Variants in EPS15L1 observed in about 807,000 individuals in gnomAD.
The protein encoded by EPS15L1 is epidermal growth factor receptor substrate 15-like 1.
EPS15L1 carries 43 observed loss-of-function variants against 117.1 expected under a neutral mutation model. That is an observed-to-expected ratio of 0.37 (90% confidence interval 0.29 to 0.47). The LOEUF is 0.47. EPS15L1 is among the 20% of genes least tolerant of loss of function. The probability of loss-of-function intolerance (pLI) is 0.99; values close to 1 mark genes in which losing one functional copy is unlikely to be tolerated. For missense variants in EPS15L1, 981 were observed against 1,164.0 expected (o/e 0.84, Z 2.29); for synonymous variants, 459 against 470.5 (o/e 0.98, Z 0.32).
chr19:16,381,128 C>T lies in EPS15L1; in HGVS notation c.2248-3874G>A, dbSNP rs571267901. Among the ~76,000 whole-genome samples, 12 of 152,376 alleles carry T rather than the reference C, an allele frequency of 7.9e-5. No homozygotes were observed. Among genetic ancestry groups the T allele is most frequent in the Admixed American group, 2.0e-4 (3 of 15,310 alleles). ...CAGATCCCTTCCCTGGGCTTCACGC[C>T]GCCCTCTGAAGCTGCCCAGGCAGGA... On this transcript the variant is annotated intron_variant, in intron 21 of 23. Transcript: ENST00000455140. This position sits in a 1 kb window ranked among gnomAD's most constrained non-coding sequence, Gnocchi z 4.2.
rs779066558 is a variant in EPS15L1, at chr19:16,425,297, C to A, written c.578G>T (p.Arg193Leu). Residue 193 changes from arginine (R) to leucine (L), a missense_variant, in exon 9 of 24, where the codon CGA (arginine) becomes CTA (leucine). Arg to Leu is a moderately radical substitution (Grantham distance 102). Transcript: ENST00000455140. ...EFAVAMHLVYRALEKEPVPSA... is the reference protein window; with the variant it reads ...EFAVAMHLVYLALEKEPVPSA... ...GGGCACGGGCTCCTTCTCCAGGGCT[C>A]GGTACACCAAGTGCATGGCCTGCAG... The A allele has an allele frequency of 6.2e-7, 1 of 1,600,184 alleles. No individual in the cohort carries two copies. The highest frequency in any genetic ancestry group is 8.5e-7 in the Non-Finnish European group (1 of 1,172,912).
At chr19:16,470,982 A>G (rs970481706) in intron 1 of EPS15L1, among the ~76,000 whole-genome samples, 32 of 152,216 alleles carry the variant, frequency 2.1e-4, no homozygotes, top group African/African-American at 7.5e-4. Flanking sequence ...AACCAAAGGC[A>G]CAGAGAAATC....
At position 16,401,148 on chromosome 19, in the gene EPS15L1, T is replaced by C. The variant is rs147767567; in HGVS notation, c.1791+1173A>G. On this transcript the variant is annotated intron_variant, in intron 16 of 23. Transcript: ENST00000455140. ...CCCGGGGGCGGCTATGGAAACCACC[T>C]CATTACGAGTCCACGAGAAAAGAGA... 2.0e-4 allele frequency: 193 copies of C among 985,216 alleles called. No homozygotes were observed. In the African/African-American group the frequency reaches 2.8e-3, roughly 14 times the overall value. 61.0% of individuals were successfully genotyped at this position (985,216 alleles called of 1,614,324 possible). A position where few individuals can be genotyped will look rare whatever the true frequency, so the allele number is the denominator to read the frequency against.
At chr19:16,392,565 A>C (rs758728046) in intron 18 of EPS15L1, 125 bp from the exon 19 acceptor site, 7 of 941,272 alleles carry the variant, frequency 7.4e-6, no homozygotes, top group East Asian at 2.6e-5. Flanking sequence ...CTAGTGACGG[A>C]AAACAGGATA....
chr19:16,464,634 C>T (rs368075194), intron 1 of EPS15L1, among the ~76,000 whole-genome samples: 1 of 152,188 alleles, frequency 6.6e-6, no homozygotes, highest in Non-Finnish European at 1.5e-5. Context: ...TCTTTGCCTC[C>T]GTGTGAAAGG....
At position 16,386,242 on chromosome 19, in the gene EPS15L1, G is replaced by T; in HGVS notation, c.2104-11C>A. On this transcript the variant is annotated splice_polypyrimidine_tract_variant and intron_variant, in intron 19 of 23. Coordinates refer to ENST00000455140, the MANE Select transcript of EPS15L1 (RefSeq NM_001258374.3). ...TTCAAAGGGGTCGAGCTAAATGAAA[G>T]GAGAGAGGAAAGAGTAAAAAGCAGT... 2 of 1,608,452 alleles carry T rather than the reference G, an allele frequency of 1.2e-6. No homozygotes were observed. Among genetic ancestry groups the T allele is most frequent in the Admixed American group, 1.7e-5 (1 of 59,970 alleles).
At chr19:16,437,949 GA>G in intron 4 of EPS15L1, 84 bp from the exon 5 acceptor site, 1 of 1,029,062 alleles carries the variant, frequency 9.7e-7, no homozygotes, top group East Asian at 2.5e-5. Flanking sequence ...AGGCTTCAGG[GA>G]AAGAGGATGT....
intron 21 of EPS15L1, among the ~76,000 whole-genome samples, chr19:16,378,228 T>C (rs1290395578): frequency 6.6e-6 from 1 of 151,908 alleles, no homozygotes; most frequent in Non-Finnish European, 1.5e-5. Flanking sequence ...GCACTTCCTA[T>C]AGGGAAGCTC....
At chr19:16,359,175 C>T (rs1192447923) in intron 23 of EPS15L1, among the ~76,000 whole-genome samples, 2 of 152,158 alleles carry the variant, frequency 1.3e-5, no homozygotes, top group Non-Finnish European at 2.9e-5. Context: ...AGTCTCAGAA[C>T]GTCCACGCTG....
chr19:16,359,900 A>AC lies in EPS15L1; in HGVS notation c.2586+1878_2586+1879insG, dbSNP rs1433182549. On this transcript the variant is annotated intron_variant, in intron 23 of 23. Coordinates refer to ENST00000455140, the MANE Select transcript of EPS15L1 (RefSeq NM_001258374.3). ...ACCAAAAACTTAGGGAAAAAAAAAA[A>AC]AAAAACAGAAAACAACAGGGCTGCA... Among the ~76,000 whole-genome samples the AC allele has an allele frequency of 9.1e-3, 1,362 of 150,440 alleles. 9 individuals carry two copies. Among genetic ancestry groups the AC allele is most frequent in the African/African-American group, 0.013 (536 of 40,978 alleles).
At chr19:16,412,407 G>A (rs1456730628) in intron 13 of EPS15L1, among the ~76,000 whole-genome samples, 2 of 152,050 alleles carry the variant, frequency 1.3e-5, no homozygotes, top group Non-Finnish European at 2.9e-5. Context: ...GGCTGAGACA[G>A]GGGAATCGCT....
chr19:16,401,582 A>T (rs770106913), intron 16 of EPS15L1: 156 of 985,420 alleles, frequency 1.6e-4, no homozygotes, highest in Non-Finnish European at 1.8e-4. Context: ...GGGAAACTAC[A>T]TGTCCCCAGG....
At chr19:16,401,378 C>T (rs930646664) in intron 16 of EPS15L1, 16 of 985,296 alleles carry the variant, frequency 1.6e-5, no homozygotes, top group South Asian at 4.7e-5. Flanking sequence ...AGAGCACGAG[C>T]GCTCACTCTT....
rs796114219 is a variant in EPS15L1 at position 16,371,750 on chromosome 19, G to A, written c.2380+5372C>T. On this transcript the variant is annotated intron_variant, in intron 22 of 23. Transcript: ENST00000455140. This position sits in a 1 kb window ranked among gnomAD's most constrained non-coding sequence, Gnocchi z 4.7. ...CCCAATCACTGACACCCACACAGCC[G>A]TTTCCTGCACTTAAAAAAAAAATCT... Among the ~76,000 whole-genome samples, 18 of 148,454 alleles carry A rather than the reference G, an allele frequency of 1.2e-4. No individual in the cohort carries two copies. Among genetic ancestry groups the A allele is most frequent in the African/African-American group, 4.3e-4 (17 of 39,960 alleles).
chr19:16,460,861 G>A (rs1039801452), intron 1 of EPS15L1, among the ~76,000 whole-genome samples: 2 of 152,178 alleles, frequency 1.3e-5, no homozygotes, highest in African/African-American at 2.4e-5. Flanking sequence ...CCCCATAACC[G>A]TACAGTCCTG....
At chr19:16,423,216 C>G (rs141651066) in intron 9 of EPS15L1, among the ~76,000 whole-genome samples, 1 of 152,054 alleles carries the variant, frequency 6.6e-6, no homozygotes, top group African/African-American at 2.4e-5. Flanking sequence ...AGGGGTTTCA[C>G]GTAGCAAGTA....
chr19:16,363,499 G>A (rs1321556505), intron 22 of EPS15L1, among the ~76,000 whole-genome samples: 2 of 152,168 alleles, frequency 1.3e-5, no homozygotes, highest in South Asian at 4.1e-4. Flanking sequence ...CTTTCCCTCT[G>A]TTCCCCCAGC....
intron 10 of EPS15L1, among the ~76,000 whole-genome samples, chr19:16,420,337 A>G (rs2092801435): frequency 6.6e-6 from 1 of 152,236 alleles, no homozygotes; most frequent in Non-Finnish European, 1.5e-5. Flanking sequence ...TAGACATGAC[A>G]GTCAGGGTGT....
Position 16,471,382 on chromosome 19 carries a change from CAGAG to C in EPS15L1, c.33+527_33+530del, listed in dbSNP as rs761370045. ...AGCGCATCAGGCGAATTTGAGGACA[CAGAG>C]AGGCGCCCGGAGACGTACGATCTGC... is the stretch of plus-strand genomic sequence containing the variant. On this transcript the variant is annotated intron_variant, in intron 1 of 23. Coordinates refer to ENST00000455140, the MANE Select transcript of EPS15L1 (RefSeq NM_001258374.3). This position sits in a 1 kb window ranked among gnomAD's most constrained non-coding sequence, Gnocchi z 4.8. 1.1e-3 allele frequency among the ~76,000 whole-genome samples: 173 copies of C among 152,358 alleles called. 2 individuals carry two copies. In the Middle Eastern group the frequency reaches 0.024, roughly 21 times the overall value.
Sources: allele counts gnomAD v4.1 joint callset (sites outside exome capture counted in the v4.1 genomes callset), GRCh38; gene constraint gnomAD v4.1.1; non-coding constraint Gnocchi (gnomAD v3.1); transcripts MANE v1.5; gene names NCBI Gene and HGNC (gene_info 2026-07-23, HGNC 2026-07-21).